Variants in DAAM2 observed in about 807,000 individuals in gnomAD.
The protein encoded by DAAM2 is disheveled-associated activator of morphogenesis 2.
Under a neutral mutation model 120.7 loss-of-function variants are expected in DAAM2, and 39 were observed. That is an observed-to-expected ratio of 0.32 (90% CI 0.25 to 0.42). The LOEUF (loss-of-function observed/expected upper bound fraction) is 0.42. DAAM2 is among the 10% of genes least tolerant of loss of function. The pLI is 1.00. For synonymous variants in DAAM2, 488 were observed against 524.9 expected, an observed-to-expected ratio of 0.93 and a Z score of 0.96; for missense variants, 1,283 against 1,401.7, an observed-to-expected ratio of 0.92 and a Z score of 1.35.
chr6:39,856,498 G>T, intron 2 of DAAM2, 28 bp downstream of exon 2: 1 of 1,397,872 alleles, frequency 7.2e-7, no homozygotes, highest in Non-Finnish European at 9.4e-7. Flanking sequence ...GAGAGACAGT[G>T]ACAATGGGGA....
In DAAM2 at chr6:39,895,576, G is replaced by A. The variant is rs74403446; in HGVS notation, c.2342-1236G>A. ...CTTTCTACAAACTTTTAGCAAAGTC[G>A]TTTTCATTTTATCTTCCTAGCAGCA... On this transcript the variant is annotated intron_variant, in intron 19 of 24. Coordinates refer to ENST00000274867, the MANE Select transcript of DAAM2 (RefSeq NM_001201427.2). Among the ~76,000 whole-genome samples, 239 of 152,224 alleles carry A rather than the reference G, an allele frequency of 1.6e-3. 2 individuals carry two copies. The highest frequency in any genetic ancestry group is 4.7e-3 in the African/African-American group (197 of 41,528).
At chr6:39,838,313 A>G (rs1226773638) in intron 1 of DAAM2, among the ~76,000 whole-genome samples, 2 of 152,222 alleles carry the variant, frequency 1.3e-5, no homozygotes, top group Non-Finnish European at 2.9e-5. Flanking sequence ...AACGTGGATA[A>G]ATTGTAGATG....
intron 14 of DAAM2, 189 bp from the exon 15 acceptor site, chr6:39,883,773 C>A (rs1215936637): frequency 1.8e-6 from 1 of 569,242 alleles, no homozygotes; most frequent in Non-Finnish European, 3.2e-6. Flanking sequence ...TGTCTCTGGC[C>A]TCTACCCTGG....
chr6:39,806,573 A>T (rs913130664), intron 1 of DAAM2, among the ~76,000 whole-genome samples: 42 of 148,686 alleles, frequency 2.8e-4, no homozygotes, highest in African/African-American at 9.8e-4. Flanking sequence ...TGGCTTATTT[A>T]AAAAAAAATC....
At chr6:39,803,620 CAG>C (rs1761929912) in intron 1 of DAAM2, among the ~76,000 whole-genome samples, 1 of 152,120 alleles carries the variant, frequency 6.6e-6, no homozygotes, top group African/African-American at 2.4e-5. Context: ...CTGTCAGGGT[CAG>C]AATATAAAAC....
intron 15 of DAAM2, 62 bp from the exon 16 acceptor site, chr6:39,887,424 G>A (rs1765441239): frequency 1.7e-6 from 2 of 1,204,746 alleles, no homozygotes; most frequent in East Asian, 2.5e-5. Context: ...CTCTTGCGGG[G>A]CGGGTAAGAG....
In DAAM2 at chr6:39,883,971, C is replaced by A; in HGVS notation, c.1855C>A (p.Pro619Thr). The change falls in exon 15 of 25, where the codon CCT (proline) becomes ACT (threonine). Residue 619 changes from proline to threonine, a missense_variant. Pro to Thr is a conservative substitution (Grantham distance 38). Coordinates refer to ENST00000274867, the MANE Select transcript of DAAM2 (RefSeq NM_001201427.2). The part of the protein sequence containing the change: ...NWVKLNEERV[P>T]GTVWNEIDDM... Reference sequence around the variant, plus strand: ...CTACCCTGAATTTTAGGAGCGTGTCCCTGGCACCGTATGGAATGAGATTGA... The same window carrying A: ...CTACCCTGAATTTTAGGAGCGTGTCACTGGCACCGTATGGAATGAGATTGA... 1 of 1,612,058 alleles carries A rather than the reference C, an allele frequency of 6.2e-7. No individual in the cohort carries two copies. The highest frequency in any genetic ancestry group is 8.5e-7 in the Non-Finnish European group (1 of 1,178,454).
chr6:39,867,726 C>A lies in DAAM2; in HGVS notation c.645C>A (p.Thr215=). Residue 215 remains threonine (T), a synonymous_variant, in exon 6 of 25, where the codon ACC becomes ACA. Coordinates refer to ENST00000274867, the MANE Select transcript of DAAM2 (RefSeq NM_001201427.2). The part of the protein sequence containing the change: ...AQSLRTENSK[T]KVAVLEILGA... ...GCCTACGCACAGAGAACAGCAAGACCAAGGTGGCTGTGCTGGAGATCCTGG... is the reference window on the plus strand; with the variant it reads ...GCCTACGCACAGAGAACAGCAAGACAAAGGTGGCTGTGCTGGAGATCCTGG... 1 of 1,614,024 alleles carries A rather than the reference C, an allele frequency of 6.2e-7. No homozygotes were observed. Among genetic ancestry groups the A allele is most frequent in the Non-Finnish European group, 8.5e-7 (1 of 1,179,908 alleles).
intron 1 of DAAM2, among the ~76,000 whole-genome samples, chr6:39,845,494 C>T (rs1326130352): frequency 2.7e-5 from 4 of 148,004 alleles, no homozygotes; most frequent in Admixed American, 6.7e-5. Context: ...ACCACACATG[C>T]GCATACACCA....
intron 1 of DAAM2, among the ~76,000 whole-genome samples, chr6:39,807,253 A>G (rs1164862836): frequency 6.6e-6 from 1 of 152,166 alleles, no homozygotes; most frequent in East Asian, 1.9e-4. Context: ...AATCTCAGAA[A>G]CGATATGAAG....
chr6:39,862,195 A>G (rs1764239146), intron 3 of DAAM2: 1 of 152,232 alleles, frequency 6.6e-6, no homozygotes, highest in African/African-American at 2.4e-5. Flanking sequence ...CTAGAACCTG[A>G]GACTGCTGGG....
At chr6:39,828,655 C>T (rs190949486) in intron 1 of DAAM2, among the ~76,000 whole-genome samples, 4 of 151,748 alleles carry the variant, frequency 2.6e-5, no homozygotes, top group African/African-American at 7.3e-5. Flanking sequence ...CTCTGCCTCC[C>T]GGGTTCAAGT....
At chr6:39,831,056 A>C (rs2114194326) in intron 1 of DAAM2, among the ~76,000 whole-genome samples, 1 of 152,224 alleles carries the variant, frequency 6.6e-6, no homozygotes, top group East Asian at 1.9e-4. Context: ...GCATGTGGGG[A>C]GTTATGTAAC....
chr6:39,900,026 C>T (rs1451793306), intron 22 of DAAM2, 51 bp from the exon 23 acceptor site: 58 of 1,566,472 alleles, frequency 3.7e-5, no homozygotes, highest in Admixed American at 9.1e-5. Flanking sequence ...CCCCTGCACC[C>T]GACTCTCATC....
intron 1 of DAAM2, among the ~76,000 whole-genome samples, chr6:39,796,040 A>G (rs1257406306): frequency 6.6e-6 from 1 of 152,082 alleles, no homozygotes; most frequent in African/African-American, 2.4e-5. Flanking sequence ...AGGTCAGAGT[A>G]ATGGGGGAAT....
Position 39,897,282 on chromosome 6 carries a change from AG to A in DAAM2, c.2618+1del. ...CATCTTCCAGAAGCTGCCAAAGTCA[AG>A]TGAGGGTTCTCTCCAAGACTTCCTT... On this transcript the variant is annotated splice_donor_variant, in intron 21 of 24. Transcript: ENST00000274867. LOFTEE classifies it high-confidence loss of function. 5.7e-6 allele frequency: 9 copies of A among 1,580,692 alleles called. No homozygotes were observed. Among genetic ancestry groups the A allele is most frequent in the Non-Finnish European group, 7.8e-6 (9 of 1,150,034 alleles).
chr6:39,834,268 T>C (rs896821894), intron 1 of DAAM2, among the ~76,000 whole-genome samples: 1 of 152,362 alleles, frequency 6.6e-6, no homozygotes. Flanking sequence ...AGGGGCTTGT[T>C]GGTTTTCAAA....
chr6:39,823,386 T>G (rs2114144809), intron 1 of DAAM2, among the ~76,000 whole-genome samples: 1 of 152,208 alleles, frequency 6.6e-6, no homozygotes, highest in South Asian at 2.1e-4. Context: ...AACCTGCTGG[T>G]CTCCAAGCTC....
rs1766639632 is a variant in DAAM2, at chr6:39,904,050, AT to A, written c.*2014del. 2.6e-6 allele frequency: 1 copy of A among 379,594 alleles called. No homozygotes were observed. Among genetic ancestry groups the A allele is most frequent in the Non-Finnish European group, 5.2e-6 (1 of 193,840 alleles). 23.5% of individuals were successfully genotyped at this position (379,594 alleles called of 1,614,324 possible). On this transcript the variant is annotated 3_prime_UTR_variant, in exon 25 of 25. Coordinates refer to ENST00000274867, the MANE Select transcript of DAAM2 (RefSeq NM_001201427.2). The stretch of plus-strand genomic sequence containing the variant: ...GTCCTCTCCCAAACTGACCAGGCTG[AT>A]GTCAACCTAACCCCCTCAGGGGCAG...
Sources: gnomAD v4.1 joint callset for allele counts (sites outside exome capture counted in the v4.1 genomes callset) on GRCh38, gnomAD v4.1.1 for gene constraint, MANE v1.5 for transcripts, NCBI Gene and HGNC (gene_info 2026-07-23, HGNC 2026-07-21) for gene names.